Variants in CCDC178 observed in about 807,000 individuals in gnomAD.
The protein encoded by CCDC178 is coiled-coil domain-containing protein 178.
Under a neutral mutation model 117.4 loss-of-function variants are expected in CCDC178, and 126 were observed. That is an observed-to-expected ratio of 1.07 (90% CI 0.93 to 1.24). The LOEUF is 1.24. Among genes scored for constraint, CCDC178 ranks in the 50% most tolerant of loss-of-function variants. The pLI is 0.00. For missense variants in CCDC178, 1,030 were observed against 986.9 expected (o/e 1.04, Z -0.59); for synonymous variants, 283 against 313.4 (o/e 0.90, Z 1.02).
chr18:33,042,231 T>A (rs1222505427), intron 21 of CCDC178, among the ~76,000 whole-genome samples: 1 of 151,870 alleles, frequency 6.6e-6, no homozygotes, highest in Non-Finnish European at 1.5e-5. Flanking sequence ...GAAGAAATTA[T>A]CAAACATGGC....
intron 10 of CCDC178, among the ~76,000 whole-genome samples, chr18:33,332,932 T>A (rs912036733): frequency 2.0e-5 from 3 of 152,174 alleles, no homozygotes; most frequent in African/African-American, 7.2e-5. Context: ...CTGGCTATTT[T>A]AAATGACCAA....
intron 20 of CCDC178, among the ~76,000 whole-genome samples, chr18:33,189,745 G>C (rs1035815820): frequency 1.3e-5 from 2 of 152,260 alleles, no homozygotes; most frequent in South Asian, 4.1e-4. Context: ...CAAAAGGGTA[G>C]ACTGCATTGA....
chr18:33,237,428 A>G (rs1169495117), intron 15 of CCDC178, among the ~76,000 whole-genome samples: 1 of 152,192 alleles, frequency 6.6e-6, no homozygotes, highest in Non-Finnish European at 1.5e-5. Flanking sequence ...GCCAGCCAAG[A>G]AACCATACAG....
intron 20 of CCDC178, among the ~76,000 whole-genome samples, chr18:33,181,424 T>C (rs1286257575): frequency 6.6e-6 from 1 of 151,828 alleles, no homozygotes; most frequent in African/African-American, 2.4e-5. Flanking sequence ...TGGGTAAAAA[T>C]TCATAATCTT....
intron 11 of CCDC178, among the ~76,000 whole-genome samples, chr18:33,315,412 G>GA (rs1175305054): frequency 6.6e-6 from 1 of 152,134 alleles, no homozygotes; most frequent in Non-Finnish European, 1.5e-5. Context: ...CAAGGAATAT[G>GA]AAAATGATAA....
intron 9 of CCDC178, among the ~76,000 whole-genome samples, chr18:33,340,696 A>G (rs2062805616): frequency 6.6e-6 from 1 of 152,172 alleles, no homozygotes; most frequent in African/African-American, 2.4e-5. Context: ...TTGTGGCTTC[A>G]GAGGGTGGAA....
intron 21 of CCDC178, among the ~76,000 whole-genome samples, chr18:33,087,013 CAA>C (rs1491519318): frequency 8.6e-5 from 11 of 128,092 alleles, no homozygotes; most frequent in African/African-American, 1.7e-4. Context: ...CACACACACA[CAA>C]CAAAATAGCC....
At chr18:33,006,197 C>T (rs2055746520) in intron 21 of CCDC178, among the ~76,000 whole-genome samples, 2 of 151,864 alleles carry the variant, frequency 1.3e-5, no homozygotes, top group African/African-American at 2.4e-5. Flanking sequence ...ATTGAATTTG[C>T]TTTGGTTTTA....
chr18:33,403,703 C>T (rs900764453), intron 3 of CCDC178, among the ~76,000 whole-genome samples: 14 of 152,210 alleles, frequency 9.2e-5, no homozygotes, highest in African/African-American at 3.4e-4. Flanking sequence ...AACTGACACC[C>T]CAAAAACTGG....
At chr18:33,219,239 C>T (rs7505090) in intron 18 of CCDC178, among the ~76,000 whole-genome samples, 1 of 152,064 alleles carries the variant, frequency 6.6e-6, no homozygotes, top group African/African-American at 2.4e-5. Flanking sequence ...CCATCTCACA[C>T]CAGTTAGAAT....
chr18:33,071,835 T>C (rs2057114305), intron 21 of CCDC178, among the ~76,000 whole-genome samples: 1 of 152,148 alleles, frequency 6.6e-6, no homozygotes, highest in Admixed American at 6.6e-5. Context: ...ATTAGATAAT[T>C]TGCAGTAAGT....
rs187430452 is a variant in CCDC178 at position 33,379,574 on chromosome 18, G to A, written c.209-9385C>T. 2.0e-5 allele frequency among the ~76,000 whole-genome samples: 3 copies of A among 152,192 alleles called. No homozygotes were observed. In the East Asian group the frequency reaches 5.8e-4, roughly 30 times the overall value. On this transcript the variant is annotated intron_variant, in intron 5 of 22. Transcript: ENST00000383096. Reference sequence around the variant, plus strand: ...GGCCAGAATAAGCACTAGAACTGAGGGAGAATCCAATAGGCAGCCTCTAGG... The same window carrying A: ...GGCCAGAATAAGCACTAGAACTGAGAGAGAATCCAATAGGCAGCCTCTAGG...
At chr18:33,342,229 T>A (rs769377538) in intron 9 of CCDC178, among the ~76,000 whole-genome samples, 3 of 152,078 alleles carry the variant, frequency 2.0e-5, no homozygotes, top group Non-Finnish European at 4.4e-5. Flanking sequence ...AGAAACAATA[T>A]GATATGTTTC....
intron 3 of CCDC178, among the ~76,000 whole-genome samples, chr18:33,408,767 GAAAAACCTT>G (rs2144886720): frequency 1.3e-5 from 2 of 152,170 alleles, no homozygotes; most frequent in South Asian, 4.2e-4. Context: ...AGACACATTG[GAAAAACCTT>G]AATAAATAAA....
chr18:33,290,831 A>G (rs1033574429), intron 12 of CCDC178, among the ~76,000 whole-genome samples: 9 of 152,102 alleles, frequency 5.9e-5, no homozygotes, highest in African/African-American at 2.2e-4. Context: ...CAGAGATAGC[A>G]CTGATTATAA....
At chr18:33,184,725 G>A (rs933028320) in intron 20 of CCDC178, among the ~76,000 whole-genome samples, 2 of 151,984 alleles carry the variant, frequency 1.3e-5, no homozygotes, top group Non-Finnish European at 2.9e-5. Flanking sequence ...TTCCTTTAGT[G>A]ATGAACTACC....
chr18:33,255,545 T>C (rs1209870385), intron 14 of CCDC178, among the ~76,000 whole-genome samples: 1 of 151,862 alleles, frequency 6.6e-6, no homozygotes, highest in Non-Finnish European at 1.5e-5. Context: ...AAGAAGTTGG[T>C]AAGATGCTGG....
At chr18:33,287,816 T>C (rs1016861220) in intron 12 of CCDC178, among the ~76,000 whole-genome samples, 1 of 152,032 alleles carries the variant, frequency 6.6e-6, no homozygotes, top group African/African-American at 2.4e-5. Context: ...ATAAATAACA[T>C]TTTGTTAAAA....
intron 20 of CCDC178, among the ~76,000 whole-genome samples, chr18:33,107,492 C>T (rs2057723440): frequency 6.6e-6 from 1 of 151,412 alleles, no homozygotes; most frequent in Non-Finnish European, 1.5e-5. Flanking sequence ...GATAAAAATC[C>T]CAAAAGTCTA....
Sources: gnomAD v4.1 joint callset for allele counts (sites outside exome capture counted in the v4.1 genomes callset) on GRCh38, gnomAD v4.1.1 for gene constraint, MANE v1.5 for transcripts, NCBI Gene and HGNC (gene_info 2026-07-23, HGNC 2026-07-21) for gene names.